Variants in ATIC observed in about 807,000 individuals in gnomAD.
The protein encoded by ATIC is bifunctional purine biosynthesis protein ATIC.
Under a neutral mutation model 72.5 loss-of-function variants are expected in ATIC, and 64 were observed. The observed-to-expected ratio is 0.88, with a 90% CI of 0.72 to 1.09. The LOEUF (loss-of-function observed/expected upper bound fraction) is 1.09, where lower values mean the gene tolerates loss of function less well. ATIC is among the 50% of genes least tolerant of loss of function. The pLI is 0.00. For missense variants in ATIC, 787 were observed against 732.4 expected (o/e 1.07, Z -0.86); for synonymous variants, 281 against 267.1 (o/e 1.05, Z -0.51).
intron 7 of ATIC, among the ~76,000 whole-genome samples, chr2:215,328,743 G>A (rs957206339): frequency 1.4e-5 from 2 of 144,822 alleles, no homozygotes; most frequent in Non-Finnish European, 3.0e-5. Flanking sequence ...TTGAGATAGA[G>A]TTTCACTCTT....
At chr2:215,333,572 T>C in intron 9 of ATIC, 115 bp downstream of exon 9, 1 of 699,984 alleles carries the variant, frequency 1.4e-6, no homozygotes, top group Non-Finnish European at 2.3e-6. Context: ...GTATAATATA[T>C]AGATGAAATT....
At chr2:215,340,085 T>A (rs1207343589) in intron 12 of ATIC, among the ~76,000 whole-genome samples, 2 of 152,176 alleles carry the variant, frequency 1.3e-5, no homozygotes, top group Non-Finnish European at 2.9e-5. Context: ...GATCTTCTGA[T>A]GGATATTTAG....
intron 14 of ATIC, chr2:215,348,724 A>G: frequency 2.6e-6 from 1 of 392,116 alleles, no homozygotes; most frequent in Non-Finnish European, 4.9e-6. Context: ...GCACTTTGGG[A>G]GGCCGAGGTG....
chr2:215,347,519 T>A (rs568702877), intron 14 of ATIC: 1 of 474,830 alleles, frequency 2.1e-6, no homozygotes, highest in Non-Finnish European at 4.2e-6. Flanking sequence ...TCTGGACATA[T>A]TGCGTGCCTA....
At chr2:215,329,348 C>T (rs976665359) in intron 7 of ATIC, among the ~76,000 whole-genome samples, 1 of 152,132 alleles carries the variant, frequency 6.6e-6, no homozygotes. Flanking sequence ...ACTGTGTGTG[C>T]GTTTCTTTTG....
the ATIC span, among the ~76,000 whole-genome samples, chr2:215,359,588 A>T: frequency 2.6e-5 from 4 of 152,220 alleles, no homozygotes; most frequent in Admixed American, 2.6e-4. Context: ...AATAAATAGA[A>T]GTCCAGGGGC....
downstream of ATIC, among the ~76,000 whole-genome samples, chr2:215,352,950 T>C (rs1400383816): frequency 6.6e-6 from 1 of 152,232 alleles, no homozygotes. Flanking sequence ...TCTTACACAT[T>C]GATAGCCGTA....
At chr2:215,348,205 A>G (rs1300744069) in intron 14 of ATIC, among the ~76,000 whole-genome samples, 1 of 152,230 alleles carries the variant, frequency 6.6e-6, no homozygotes, top group Non-Finnish European at 1.5e-5. Flanking sequence ...CACACACTCA[A>G]ACCATAGCAA....
chr2:215,341,944 G>A (rs1410087478), intron 12 of ATIC, among the ~76,000 whole-genome samples: 1 of 152,158 alleles, frequency 6.6e-6, no homozygotes, highest in Non-Finnish European at 1.5e-5. Flanking sequence ...TATAATCATG[G>A]CAGAAGGCAC....
chr2:215,367,637 T>G, the ATIC span: 4 of 566,664 alleles, frequency 7.1e-6, no homozygotes, highest in Non-Finnish European at 1.3e-5. Flanking sequence ...GTGTAATTAA[T>G]AGTTGTATTG....
the ATIC span, chr2:215,364,236 C>G: frequency 5.9e-6 from 1 of 169,926 alleles, no homozygotes; most frequent in Non-Finnish European, 1.3e-5. Context: ...AGTGCTAGAC[C>G]TATAACAAGC....
At chr2:215,349,514 A>G (rs770612695) in intron 15 of ATIC, 22 bp from the exon 16 acceptor site, 4 of 1,614,084 alleles carry the variant, frequency 2.5e-6, no homozygotes, top group East Asian at 4.5e-5. Flanking sequence ...TCGCGTTTTG[A>G]AAATCAATAT....
downstream of ATIC, among the ~76,000 whole-genome samples, chr2:215,353,160 A>G (rs116266868): frequency 9.9e-3 from 1,505 of 152,094 alleles, 28 homozygotes; most frequent in African/African-American, 0.035. Context: ...CATTTTGTGA[A>G]CCTTTCCCTT....
intron 8 of ATIC, among the ~76,000 whole-genome samples, 186 bp from the exon 9 acceptor site, chr2:215,333,164 C>T (rs2052914564): frequency 6.6e-6 from 1 of 152,204 alleles, no homozygotes; most frequent in Admixed American, 6.5e-5. Flanking sequence ...AGATTTCCCT[C>T]ACACTGCTCC....
the ATIC span, among the ~76,000 whole-genome samples, chr2:215,366,535 T>C: frequency 1.3e-5 from 2 of 152,238 alleles, no homozygotes; most frequent in Admixed American, 6.5e-5. Context: ...TTCTGTGGAA[T>C]ATCTAAAAGT....
intron 9 of ATIC, among the ~76,000 whole-genome samples, chr2:215,333,814 G>A (rs62204767): frequency 0.22 from 33,395 of 151,790 alleles, 3,881 homozygotes; most frequent in East Asian, 0.5. Flanking sequence ...AGGCTGAGGC[G>A]GGCAGATCAC....
chr2:215,330,316 G>T (rs922804738), intron 7 of ATIC, among the ~76,000 whole-genome samples: 3 of 152,054 alleles, frequency 2.0e-5, no homozygotes, highest in African/African-American at 7.2e-5. Flanking sequence ...TTGATTTTTG[G>T]TTGGGGGAAT....
downstream of ATIC, among the ~76,000 whole-genome samples, chr2:215,354,130 C>T (rs1159388322): frequency 2.0e-5 from 3 of 151,974 alleles, no homozygotes; most frequent in Admixed American, 1.3e-4. Context: ...ATGGTTCAAG[C>T]GATTCTCATG....
chr2:215,346,650 G>T (rs1352744149), intron 13 of ATIC, 109 bp from the exon 14 acceptor site: 1 of 1,286,640 alleles, frequency 7.8e-7, no homozygotes. Context: ...GGCCTGATAT[G>T]TTCTTCCACA....
Sources: gnomAD v4.1 joint callset for allele counts (sites outside exome capture counted in the v4.1 genomes callset) on GRCh38, gnomAD v4.1.1 for gene constraint, MANE v1.5 for transcripts, NCBI Gene and HGNC (gene_info 2026-07-23, HGNC 2026-07-21) for gene names.